The following SIN3B variants were observed in gnomAD, a reference collection of about 807,000 sequenced individuals.
SIN3B encodes paired amphipathic helix protein Sin3b.
A neutral mutation model predicts 120.2 loss-of-function variants in SIN3B; 19 were observed. The ratio of observed to expected loss-of-function variants is 0.16; its 90% CI spans 0.11 to 0.23. SIN3B has a LOEUF of 0.23. Among genes scored for constraint, SIN3B ranks in the 10% least tolerant of loss-of-function variants. SIN3B has a pLI of 1.00. For synonymous variants in SIN3B, 654 were observed against 653.2 expected (o/e 1.00, Z -0.02); for missense variants, 1,073 against 1,573.0 (o/e 0.68, Z 5.38).
chr19:16,865,106 C>T (rs1299812936), intron 10 of SIN3B: 3 of 246,014 alleles, frequency 1.2e-5, no homozygotes, highest in Non-Finnish European at 1.6e-5. Context: ...GCCAGGATTA[C>T]AGGCGTGAGC....
intron 13 of SIN3B, among the ~76,000 whole-genome samples, chr19:16,870,766 G>A (rs2051500264): frequency 6.6e-6 from 1 of 151,986 alleles, no homozygotes; most frequent in South Asian, 2.1e-4. Context: ...TCTTGACCAG[G>A]CTGGTCTTAA....
chr19:16,864,857 C>T (rs1393481393), intron 10 of SIN3B, among the ~76,000 whole-genome samples: 1 of 147,488 alleles, frequency 6.8e-6, no homozygotes, highest in African/African-American at 2.5e-5. Context: ...TTTTTTGAGA[C>T]AGAGTTTCAC....
chr19:16,853,761 C>T (rs867871511), intron 7 of SIN3B, among the ~76,000 whole-genome samples: 13 of 147,686 alleles, frequency 8.8e-5, no homozygotes, highest in Admixed American at 5.4e-4. Flanking sequence ...TGCATGGACG[C>T]GTGCAGGGGC....
intron 5 of SIN3B, among the ~76,000 whole-genome samples, chr19:16,848,421 T>A (rs1243447300): frequency 6.7e-6 from 1 of 149,824 alleles, no homozygotes; most frequent in Non-Finnish European, 1.5e-5. Flanking sequence ...TTTGTTCTTT[T>A]CCAGGTTTTT....
rs1290307047 is a variant in SIN3B at position 16,878,733 on chromosome 19, C to T, written c.*6C>T. ...GCCGCCCGGCCTCGCCCTGACCCGC[C>T]CTCATGGGCACCGGGCAGGCGCCTC... On this transcript the variant is annotated 3_prime_UTR_variant, in exon 19 of 19. Coordinates refer to ENST00000248054, the MANE Select transcript of SIN3B (RefSeq NM_001297595.2). 3 of 1,589,922 alleles carry T rather than the reference C, an allele frequency of 1.9e-6. No individual in the cohort carries two copies. The Admixed American group carries it at 5.2e-5, about 28-fold the overall frequency.
chr19:16,838,958 C>T (rs1203212978), intron 3 of SIN3B, among the ~76,000 whole-genome samples: 1 of 143,324 alleles, frequency 7.0e-6, no homozygotes, highest in East Asian at 2.0e-4. Context: ...AGGTTCCAGC[C>T]ACCGCGCCTG....
chr19:16,841,717 C>T lies in SIN3B; in HGVS notation c.382-51C>T, dbSNP rs78722881. On this transcript the variant is annotated intron_variant, in intron 3 of 18. Coordinates refer to ENST00000248054, the MANE Select transcript of SIN3B (RefSeq NM_001297595.2). The stretch of plus-strand genomic sequence containing the variant: ...CAGTGGCTGGGCCTGGTGTTTTTCA[C>T]AATCTGTTTCCAGTGTCGGGCCTGG... 1.6e-3 allele frequency: 2,537 copies of T among 1,552,224 alleles called. 37 individuals carry two copies. In the African/African-American group the frequency reaches 0.031, roughly 19 times the overall value.
At chr19:16,855,930 G>A (rs1469644712) in intron 8 of SIN3B, among the ~76,000 whole-genome samples, 4 of 152,122 alleles carry the variant, frequency 2.6e-5, no homozygotes, top group Admixed American at 6.5e-5. Context: ...GGTGGCACAC[G>A]CCTGTTGTCC....
At chr19:16,832,233 T>C (rs999193681) in intron 3 of SIN3B, among the ~76,000 whole-genome samples, 19 of 147,448 alleles carry the variant, frequency 1.3e-4, no homozygotes, top group African/African-American at 3.2e-4. Context: ...AGTCTGGCTC[T>C]GTCACCCAGG....
chr19:16,839,470 C>A (rs772796914), intron 3 of SIN3B, among the ~76,000 whole-genome samples: 1 of 152,146 alleles, frequency 6.6e-6, no homozygotes, highest in Non-Finnish European at 1.5e-5. Flanking sequence ...CCCATTTTGT[C>A]GCAGTGGCAC....
At chr19:16,858,632 G>A (rs1295533920) in intron 8 of SIN3B, among the ~76,000 whole-genome samples, 1 of 152,080 alleles carries the variant, frequency 6.6e-6, no homozygotes, top group Admixed American at 6.6e-5. Flanking sequence ...GAGGCCGAGG[G>A]GGAAGGATCA....
In SIN3B at chr19:16,871,387, A is replaced by G. The variant is rs2051508752; in HGVS notation, c.2581A>G (p.Ile861Val). Residue 861 changes from isoleucine (I) to valine (V), a missense_variant, in exon 14 of 19, where the codon ATT becomes GTT. Ile to Val is a conservative substitution (Grantham distance 29). This residue lies in a region of SIN3B where 311 missense variants were observed against 400.3 expected (regional missense o/e 0.78). Transcript: ENST00000248054. ...GFTMDKLVQN[I>V]ARQLHHLVSD... ...CACCATGGACAAGCTGGTGCAGAAC[A>G]TTGCGCGGCAGGTGAGCCGGGCCGG... is the stretch of plus-strand genomic sequence containing the variant. The G allele has an allele frequency of 1.9e-6, 3 of 1,605,420 alleles. No individual in the cohort carries two copies. The highest frequency in any genetic ancestry group is 2.6e-6 in the Non-Finnish European group (3 of 1,174,776).
intron 6 of SIN3B, among the ~76,000 whole-genome samples, chr19:16,852,119 T>C (rs1471276760): frequency 2.6e-5 from 4 of 152,278 alleles, no homozygotes; most frequent in East Asian, 1.9e-4. Flanking sequence ...TCCCTTTGGC[T>C]CTTGTGTCCT....
At chr19:16,833,986 A>G (rs1306686626) in intron 3 of SIN3B, among the ~76,000 whole-genome samples, 1 of 151,878 alleles carries the variant, frequency 6.6e-6, no homozygotes, top group African/African-American at 2.4e-5. Flanking sequence ...CTGCCTCCCA[A>G]AGTGCTGGGA....
chr19:16,854,180 A>T lies in SIN3B; in HGVS notation c.977A>T (p.Asn326Ile). Residue 326 changes from asparagine (N) to isoleucine (I), a missense_variant, in exon 8 of 19, where the codon AAC becomes ATC. By Grantham distance (149) the Asn-to-Ile change is moderately radical. Coordinates refer to ENST00000248054, the MANE Select transcript of SIN3B (RefSeq NM_001297595.2). ...CTGAAGAGCCAGGAGGTGTATGAAA[A>T]CTTCCTCCGCTGCATCGCACTCTTC... ...RVLKSQEVYE[N>I]FLRCIALFNQ... 1 of 1,612,296 alleles carries T rather than the reference A, an allele frequency of 6.2e-7. No individual in the cohort carries two copies. The highest frequency in any genetic ancestry group is 8.5e-7 in the Non-Finnish European group (1 of 1,179,846).
intron 14 of SIN3B, chr19:16,875,796 G>A: frequency 1.9e-6 from 1 of 536,936 alleles, no homozygotes; most frequent in Non-Finnish European, 3.3e-6. Flanking sequence ...GGTCTGGTCT[G>A]GTCTGGTCTG....
At chr19:16,873,524 C>T (rs1321068593) in intron 14 of SIN3B, among the ~76,000 whole-genome samples, 6 of 34,174 alleles carry the variant, frequency 1.8e-4, no homozygotes, top group African/African-American at 5.6e-4. Flanking sequence ...CTGTCCCCTC[C>T]CCCCCCCCCC....
At chr19:16,868,021 T>G (rs893757977) in intron 12 of SIN3B, among the ~76,000 whole-genome samples, 1 of 152,196 alleles carries the variant, frequency 6.6e-6, no homozygotes, top group African/African-American at 2.4e-5. Flanking sequence ...AAGGTTCATA[T>G]GCAGATCTCT....
chr19:16,830,795 A>G (rs539975305), intron 2 of SIN3B, among the ~76,000 whole-genome samples: 3 of 152,352 alleles, frequency 2.0e-5, no homozygotes, highest in South Asian at 4.1e-4. Context: ...GCTCAGATGG[A>G]AACCTGTGTC....
Sources: gnomAD v4.1 joint callset for allele counts (sites outside exome capture counted in the v4.1 genomes callset) on GRCh38, gnomAD v4.1.1 for gene constraint, gnomAD v4.1.1 regional missense constraint, MANE v1.5 for transcripts, NCBI Gene and HGNC (gene_info 2026-07-23, HGNC 2026-07-21) for gene names.